The following ABCG8 variants were observed in gnomAD, a reference collection of about 807,000 sequenced individuals.
ABCG8 encodes the protein ATP-binding cassette sub-family G member 8.
ABCG8 carries 81 observed loss-of-function variants against 71.3 expected under a neutral mutation model. That is an observed-to-expected ratio of 1.14 (90% CI 0.95 to 1.37). ABCG8 has a LOEUF of 1.37. Ranked by LOEUF, ABCG8 falls within the 40% of genes most tolerant of loss-of-function variation. The pLI is 0.00. For synonymous variants in ABCG8, 451 were observed against 354.7 expected, an observed-to-expected ratio of 1.27 and a Z score of -3.05; for missense variants, 1,119 against 866.2, an observed-to-expected ratio of 1.29 and a Z score of -3.66.
chr2:43,852,754 C>T lies in ABCG8; in HGVS notation c.850C>T (p.Leu284Phe), dbSNP rs1668969820. 1 of 1,614,170 alleles carries T rather than the reference C, an allele frequency of 6.2e-7. No homozygotes were observed. ...SDIFRLFDLV[L>F]LMTSGTPIYL... ...CATCTTCAGGCTGTTTGATCTGGTCCTCCTGATGACGTCTGGCACCCCCAT... is the reference window on the plus strand; with the variant it reads ...CATCTTCAGGCTGTTTGATCTGGTCTTCCTGATGACGTCTGGCACCCCCAT... Residue 284 changes from leucine (L) to phenylalanine (F), a missense_variant, in exon 6 of 13, where the codon CTC (leucine) becomes TTC (phenylalanine). Coordinates refer to ENST00000272286, the MANE Select transcript of ABCG8 (RefSeq NM_022437.3).
chr2:43,875,385 C>T lies in ABCG8; in HGVS notation c.1728C>T (p.Phe576=), dbSNP rs1224714066. The part of the protein sequence containing the change: ...LYNSFYLAGG[F]MINLSSLWTV... ...ACTCCTTCTACCTCGCCGGGGGCTTCATGATAAACTTGAGCAGCCTGTGGA... is the reference window on the plus strand; with the variant it reads ...ACTCCTTCTACCTCGCCGGGGGCTTTATGATAAACTTGAGCAGCCTGTGGA... The change falls in exon 11 of 13, where the codon TTC becomes TTT. Residue 576 remains phenylalanine, a synonymous_variant. Transcript: ENST00000272286. 1.2e-6 allele frequency: 2 copies of T among 1,614,120 alleles called. No homozygotes were observed. Among genetic ancestry groups the T allele is most frequent in the East Asian group, 4.5e-5 (2 of 44,876 alleles).
Position 43,877,926 on chromosome 2 carries a change from G to A in ABCG8, c.*13G>A, listed in dbSNP as rs750247615. ...TCAAGACTGGTGATTCACGCCAGAC[G>A]TCTGCCCGCTGGTGGGGGACCTGAG... is the stretch of plus-strand genomic sequence containing the variant. On this transcript the variant is annotated 3_prime_UTR_variant, in exon 13 of 13. Transcript: ENST00000272286. 3.1e-6 allele frequency: 5 copies of A among 1,613,992 alleles called. No individual in the cohort carries two copies. The Admixed American group carries it at 5.0e-5, about 16-fold the overall frequency.
At chr2:43,858,867 A>C (rs1572844260) in intron 6 of ABCG8, among the ~76,000 whole-genome samples, 1 of 150,790 alleles carries the variant, frequency 6.6e-6, no homozygotes, top group East Asian at 2.0e-4. Flanking sequence ...TAGAACTCTC[A>C]ATATCTATCT....
chr2:43,844,696 T>C, intron 2 of ABCG8, 88 bp downstream of exon 2: 3 of 968,362 alleles, frequency 3.1e-6, no homozygotes, highest in Non-Finnish European at 4.9e-6. Context: ...TGGGCCCAAC[T>C]TGCAGGCCCT....
chr2:43,878,080 G>A lies in ABCG8; in HGVS notation c.*167G>A. On this transcript the variant is annotated 3_prime_UTR_variant, in exon 13 of 13. Coordinates refer to ENST00000272286, the MANE Select transcript of ABCG8 (RefSeq NM_022437.3). Reference sequence around the variant, plus strand: ...GGCACAGACCAGCCACAGGATGGCAGTAGAATAAAGACAGTCGAAAGGGAT... The same window carrying A: ...GGCACAGACCAGCCACAGGATGGCAATAGAATAAAGACAGTCGAAAGGGAT... 1 of 954,698 alleles carries A rather than the reference G, an allele frequency of 1.0e-6. No individual in the cohort carries two copies. The highest frequency in any genetic ancestry group is 1.6e-6 in the Non-Finnish European group (1 of 620,702). 59.1% of individuals were successfully genotyped at this position (954,698 alleles called of 1,614,324 possible).
chr2:43,855,885 T>A (rs1328487150), intron 6 of ABCG8, among the ~76,000 whole-genome samples: 1 of 152,086 alleles, frequency 6.6e-6, no homozygotes, highest in Non-Finnish European at 1.5e-5. Flanking sequence ...ACTCTCACTA[T>A]CTGTCTGGAT....
intron 6 of ABCG8, among the ~76,000 whole-genome samples, chr2:43,866,083 A>C (rs1229415812): frequency 6.6e-6 from 1 of 152,082 alleles, no homozygotes; most frequent in Non-Finnish European, 1.5e-5. Context: ...TGAGAAAAAC[A>C]AGCAATGGGG....
chr2:43,874,021 C>G (rs372620885), intron 9 of ABCG8, 35 bp downstream of exon 9: 8 of 1,608,524 alleles, frequency 5.0e-6, no homozygotes, highest in African/African-American at 1.3e-5. Flanking sequence ...CAGGCAGGAC[C>G]TCAGCCACCT....
Position 43,868,622 on chromosome 2 carries a change from CTCTG to C in ABCG8, c.965-3349_965-3346del, listed in dbSNP as rs1302527191. Among the ~76,000 whole-genome samples the C allele has an allele frequency of 2.0e-5, 3 of 152,050 alleles. No individual in the cohort carries two copies. In the East Asian group the frequency reaches 5.8e-4, roughly 29 times the overall value. On this transcript the variant is annotated intron_variant, in intron 6 of 12. Coordinates refer to ENST00000272286, the MANE Select transcript of ABCG8 (RefSeq NM_022437.3). ...TCATCGTCTGGATAGAACTCTGACT[CTCTG>C]TCTGGATAGCACTCTCACTACCTTT...
At position 43,881,174 on chromosome 2, in the gene ABCG8, A is replaced by T. The variant is rs1670121336; in HGVS notation, c.*3261A>T. On this transcript the variant is annotated 3_prime_UTR_variant, in exon 13 of 13. Coordinates refer to ENST00000272286, the MANE Select transcript of ABCG8 (RefSeq NM_022437.3). ...ATTCGGTCTGCAATGGGTTTTGGTA[A>T]CTCAGTGGCTCTGTATGCCGTGCTG... is the stretch of plus-strand genomic sequence containing the variant. The T allele has an allele frequency of 6.6e-6, 1 of 152,284 alleles. No individual in the cohort carries two copies. Among genetic ancestry groups the T allele is most frequent in the African/African-American group, 2.4e-5 (1 of 41,460 alleles). 9.4% of individuals were successfully genotyped at this position (152,284 alleles called of 1,614,324 possible).
At chr2:43,852,576 A>G in intron 5 of ABCG8, 23 bp from the exon 6 acceptor site, 1 of 1,613,980 alleles carries the variant, frequency 6.2e-7, no homozygotes, top group Non-Finnish European at 8.5e-7. Flanking sequence ...CCGACTCACC[A>G]GGCTCCTCTC....
At chr2:43,851,562 G>T (rs1668915085) in intron 3 of ABCG8, 22 bp from the exon 4 acceptor site, 1 of 1,613,874 alleles carries the variant, frequency 6.2e-7, no homozygotes, top group East Asian at 2.2e-5. Flanking sequence ...CGCTCTCAGG[G>T]ATATCCCTGG....
At chr2:43,861,519 T>A (rs1669319165) in intron 6 of ABCG8, among the ~76,000 whole-genome samples, 1 of 151,232 alleles carries the variant, frequency 6.6e-6, no homozygotes. Flanking sequence ...GATAAAACTC[T>A]ATCTGTCTGG....
intron 6 of ABCG8, among the ~76,000 whole-genome samples, chr2:43,870,800 CTA>C (rs1669737877): frequency 6.6e-6 from 1 of 152,006 alleles, no homozygotes; most frequent in African/African-American, 2.4e-5. Flanking sequence ...TAGAATCTCA[CTA>C]TCTAGATAGA....
In ABCG8 at chr2:43,880,614, C is replaced by G. The variant is rs1431244503; in HGVS notation, c.*2701C>G. On this transcript the variant is annotated 3_prime_UTR_variant, in exon 13 of 13. Coordinates refer to ENST00000272286, the MANE Select transcript of ABCG8 (RefSeq NM_022437.3). ...TATGCTCTTTGCTTGTGGAACATCT[C>G]TGCTCCCAGGCTCTCTCAGTGAACA... 5 of 151,534 alleles carry G rather than the reference C, an allele frequency of 3.3e-5. No homozygotes were observed. The highest frequency in any genetic ancestry group is 9.7e-5 in the African/African-American group (4 of 41,178). The allele number at this position is 151,534 out of a possible 1,614,324, so 9.4% of individuals were successfully genotyped here.
In ABCG8 at chr2:43,871,960, C is replaced by G; in HGVS notation, c.965-16C>G. ...AGGGAACAGGCCACCTGTGACTCCA[C>G]ATCCCCTGCTTGCAGTGGACCTGAC... is the stretch of plus-strand genomic sequence containing the variant. On this transcript the variant is annotated splice_polypyrimidine_tract_variant and intron_variant, in intron 6 of 12. Transcript: ENST00000272286. 1 of 1,614,000 alleles carries G rather than the reference C, an allele frequency of 6.2e-7. No individual in the cohort carries two copies. The highest frequency in any genetic ancestry group is 8.5e-7 in the Non-Finnish European group (1 of 1,180,046).
At position 43,878,018 on chromosome 2, in the gene ABCG8, C is replaced by A; in HGVS notation, c.*105C>A. Reference sequence around the variant, plus strand: ...GGGGACAGTGAGGACAATGACCCTACAGATGCTCAGCTACATCCGGCCCAG... The same window carrying A: ...GGGGACAGTGAGGACAATGACCCTAAAGATGCTCAGCTACATCCGGCCCAG... On this transcript the variant is annotated 3_prime_UTR_variant, in exon 13 of 13. Coordinates refer to ENST00000272286, the MANE Select transcript of ABCG8 (RefSeq NM_022437.3). The A allele has an allele frequency of 6.5e-7, 1 of 1,532,870 alleles. No individual in the cohort carries two copies. Among genetic ancestry groups the A allele is most frequent in the East Asian group, 2.3e-5 (1 of 43,348 alleles). The allele number at this position is 1,532,870 out of a possible 1,614,324, so 95.0% of individuals were successfully genotyped here. A position where few individuals can be genotyped will look rare whatever the true frequency, so the allele number is the denominator to read the frequency against.
Position 43,877,545 on chromosome 2 carries a change from G to A in ABCG8, c.1757-16G>A. 6.2e-7 allele frequency: 1 copy of A among 1,613,370 alleles called. No individual in the cohort carries two copies. Among genetic ancestry groups the A allele is most frequent in the Non-Finnish European group, 8.5e-7 (1 of 1,179,954 alleles). ...TATGAGGGACACCTGTGAGTAACGC[G>A]GCTGTCTGTCTCCAGTGCCCGCGTG... On this transcript the variant is annotated splice_polypyrimidine_tract_variant and intron_variant, in intron 11 of 12. Transcript: ENST00000272286.
In ABCG8 at chr2:43,873,935, A is replaced by G; in HGVS notation, c.1360A>G (p.Met454Val). Residue 454 changes from methionine to valine, a missense_variant, in exon 9 of 13, where the codon ATG (methionine) becomes GTG (valine). Coordinates refer to ENST00000272286, the MANE Select transcript of ABCG8 (RefSeq NM_022437.3). ...CATGGATACAGCCGCCCTCTTGTTCATGATCGGTGCTCTCATCCCTTTCAA... is the reference window on the plus strand; with the variant it reads ...CATGGATACAGCCGCCCTCTTGTTCGTGATCGGTGCTCTCATCCCTTTCAA... ...SFMDTAALLF[M>V]IGALIPFNVI... The G allele has an allele frequency of 1.2e-6, 2 of 1,614,070 alleles. No individual in the cohort carries two copies. Among genetic ancestry groups the G allele is most frequent in the Non-Finnish European group, 1.7e-6 (2 of 1,180,022 alleles).
Sources: gnomAD v4.1 joint callset for allele counts (sites outside exome capture counted in the v4.1 genomes callset) on GRCh38, gnomAD v4.1.1 for gene constraint, MANE v1.5 for transcripts, NCBI Gene and HGNC (gene_info 2026-07-23, HGNC 2026-07-21) for gene names.